DACT3: variants seen among roughly 807,000 people sequenced by gnomAD.
DACT3 encodes dapper homolog 3.
A neutral mutation model predicts 19.6 loss-of-function variants in DACT3; 5 were observed. The ratio of observed to expected loss-of-function variants is 0.26; its 90% CI spans 0.13 to 0.54. DACT3 has a LOEUF of 0.54. Ranked by LOEUF, DACT3 falls within the 20% of genes least tolerant of loss-of-function variation. The pLI is 0.95. For synonymous variants in DACT3, 454 were observed against 428.1 expected (o/e 1.06, Z -0.75); for missense variants, 908 against 927.4 (o/e 0.98, Z 0.27).
rs2053072821 is a variant in DACT3 at position 46,661,108 on chromosome 19, C to A, written c.-44G>T. The A allele has an allele frequency of 7.3e-6, 10 of 1,372,566 alleles. No homozygotes were observed. Among genetic ancestry groups the A allele is most frequent in the Non-Finnish European group, 8.4e-6 (9 of 1,070,712 alleles). 85.0% of individuals were successfully genotyped at this position (1,372,566 alleles called of 1,614,324 possible). ...CAGCCCGGCCGGGCCCCGCGGCCACCCCTCTCCCGGTCCCACCTCCCCGCC... is the reference window on the plus strand; with the variant it reads ...CAGCCCGGCCGGGCCCCGCGGCCACACCTCTCCCGGTCCCACCTCCCCGCC... On this transcript the variant is annotated 5_prime_UTR_variant, in exon 1 of 4. Transcript: ENST00000391916.
chr19:46,654,620 G>A, intron 1 of DACT3: 4 of 985,460 alleles, frequency 4.1e-6, no homozygotes, highest in Non-Finnish European at 4.8e-6. Flanking sequence ...AAAAGAGAGG[G>A]TCAGAGCCAG....
At chr19:46,655,788 G>A (rs534876898) in intron 1 of DACT3, among the ~76,000 whole-genome samples, 1 of 151,958 alleles carries the variant, frequency 6.6e-6, no homozygotes, top group African/African-American at 2.4e-5. Context: ...AATATTTAAT[G>A]GGCTGGGTGT....
intron 1 of DACT3, chr19:46,654,759 G>A: frequency 4.1e-6 from 4 of 985,406 alleles, no homozygotes; most frequent in Non-Finnish European, 4.8e-6. Flanking sequence ...GGGTTTGGGA[G>A]GGCAGGCACC....
Position 46,649,273 on chromosome 19 carries a change from T to G in DACT3, c.1099A>C (p.Thr367Pro). 1 of 1,205,676 alleles carries G rather than the reference T, an allele frequency of 8.3e-7. No individual in the cohort carries two copies. The highest frequency in any genetic ancestry group is 3.2e-5 in the South Asian group (1 of 31,214). The allele number at this position is 1,205,676 out of a possible 1,614,324, so 74.7% of individuals were successfully genotyped here. A position where few individuals can be genotyped will look rare whatever the true frequency, so the allele number is the denominator to read the frequency against. ...GCGGCGCGGCCAGGGAGGCCTCGGG[T>G]GGCCGCCTGCGCGCCCGGGATGTAC... ...AQYIPGAQAA[T>P]RGLPGRAARR... Residue 367 changes from threonine (T) to proline (P), a missense_variant, in exon 4 of 4, where the codon ACC becomes CCC. This residue lies in a region of DACT3 where 656 missense variants were observed against 601.8 expected (regional missense o/e 1.09). Transcript: ENST00000391916.
chr19:46,653,703 G>T (rs150336152), intron 1 of DACT3, among the ~76,000 whole-genome samples: 3 of 151,892 alleles, frequency 2.0e-5, no homozygotes, highest in Non-Finnish European at 2.9e-5. Context: ...ACAGGCGCCC[G>T]CCACCACGCC....
Position 46,650,048 on chromosome 19 carries a change from T to C in DACT3, c.500-176A>G, listed in dbSNP as rs552760351. 1.0e-3 allele frequency: 676 copies of C among 674,930 alleles called. 3 individuals carry two copies. Among genetic ancestry groups the C allele is most frequent in the Admixed American group, 1.5e-3 (32 of 21,762 alleles). 41.8% of individuals were successfully genotyped at this position (674,930 alleles called of 1,614,324 possible). A position where few individuals can be genotyped will look rare whatever the true frequency, so the allele number is the denominator to read the frequency against. On this transcript the variant is annotated intron_variant, in intron 3 of 3. Coordinates refer to ENST00000391916, the MANE Select transcript of DACT3 (RefSeq NM_145056.3). ...CTTGTAAAATTCATAATAAAATCTT[T>C]ACAGGGTCCTACAAGACCCTGCGTG...
intron 3 of DACT3, chr19:46,652,363 T>G (rs1172940191): frequency 2.3e-6 from 1 of 434,750 alleles, no homozygotes; most frequent in Non-Finnish European, 4.1e-6. Context: ...CCAACTAATT[T>G]TTGTATAGAC....
Position 46,653,072 on chromosome 19 carries a change from C to A in DACT3, c.253G>T (p.Ala85Ser). The A allele has an allele frequency of 1.3e-6, 2 of 1,551,194 alleles. No homozygotes were observed. The highest frequency in any genetic ancestry group is 1.7e-6 in the Non-Finnish European group (2 of 1,146,994). The change falls in exon 2 of 4, where the codon GCC becomes TCC. Residue 85 changes from alanine to serine, a missense_variant. By Grantham distance (99) the Ala-to-Ser change is moderately conservative (BLOSUM62 1). This residue lies in a region of DACT3 where 252 missense variants were observed against 325.6 expected (regional missense o/e 0.77). Coordinates refer to ENST00000391916, the MANE Select transcript of DACT3 (RefSeq NM_145056.3). ...AGGTCCCAGACGAGACCAGGCAGGG[C>A]CTCCTGAAGGCATAGGGAGAGAAGG... ...AAAALEEQLE[A>S]LPGLVWDLGQ...
rs1242335369 is a variant in DACT3 at position 46,649,837 on chromosome 19, C to T, written c.535G>A (p.Ala179Thr). 3 of 1,420,726 alleles carry T rather than the reference C, an allele frequency of 2.1e-6. No homozygotes were observed. The highest frequency in any genetic ancestry group is 3.1e-5 in the Admixed American group (1 of 31,952). 88.0% of individuals were successfully genotyped at this position (1,420,726 alleles called of 1,614,324 possible). ...ASPSAPEVVGARAAVPRSFSA... is the reference protein window; with the variant it reads ...ASPSAPEVVGTRAAVPRSFSA... ...AAGGACCGCGGCACCGCTGCCCGCGCGCCCACCACCTCCGGAGCGCTGGGA... is the reference window on the plus strand; with the variant it reads ...AAGGACCGCGGCACCGCTGCCCGCGTGCCCACCACCTCCGGAGCGCTGGGA... The change falls in exon 4 of 4, where the codon GCG becomes ACG. Residue 179 changes from alanine (A) to threonine (T), a missense_variant. Transcript: ENST00000391916.
chr19:46,656,416 C>T (rs1007859107), intron 1 of DACT3, among the ~76,000 whole-genome samples: 6 of 152,040 alleles, frequency 3.9e-5, no homozygotes, highest in Admixed American at 6.6e-5. Flanking sequence ...GGCACGATCA[C>T]GGCTCACTGC....
intron 1 of DACT3, among the ~76,000 whole-genome samples, chr19:46,655,901 G>C (rs908403214): frequency 2.3e-5 from 3 of 131,852 alleles, no homozygotes; most frequent in Non-Finnish European, 4.7e-5. Context: ...GTGAGACCCA[G>C]TCTCTCTCTC....
At chr19:46,655,925 C>CTCTCTCTCTA (rs980735397) in intron 1 of DACT3, among the ~76,000 whole-genome samples, 57 of 137,928 alleles carry the variant, frequency 4.1e-4, no homozygotes, top group African/African-American at 1.3e-3. Flanking sequence ...CTCTCTCTCT[C>CTCTCTCTCTA]TATATATATA....
intron 3 of DACT3, chr19:46,650,083 G>T: frequency 2.8e-6 from 1 of 362,488 alleles, no homozygotes; most frequent in Non-Finnish European, 4.7e-6. Flanking sequence ...GACTTGTCCT[G>T]CCTCTGCCTC....
intron 3 of DACT3, 187 bp downstream of exon 3, chr19:46,652,473 C>A: frequency 1.4e-6 from 1 of 701,508 alleles, no homozygotes; most frequent in Non-Finnish European, 2.3e-6. Flanking sequence ...GCCACCGCAC[C>A]CAGCCATATT....
chr19:46,654,102 T>A (rs1189408354), intron 1 of DACT3: 4 of 985,228 alleles, frequency 4.1e-6, no homozygotes, highest in Non-Finnish European at 4.8e-6. Flanking sequence ...GCACGTTCCT[T>A]TGCCCTAGAG....
At position 46,652,665 on chromosome 19, in the gene DACT3, G is replaced by C. The variant is rs944582856; in HGVS notation, c.494C>G (p.Ser165Cys). The change falls in exon 3 of 4, where the codon TCC (serine) becomes TGC (cysteine). Residue 165 changes from serine to cysteine, a missense_variant. By Grantham distance (112) the Ser-to-Cys change is moderately radical. Transcript: ENST00000391916. ...CCCACCCTCACCCACCTTACCTAGG[G>C]ACTTGGGCCTCTCACTGGCATAGAT... is the stretch of plus-strand genomic sequence containing the variant. ...RGIYASERPK[S>C]LGDASPSAPE... 1 of 1,550,884 alleles carries C rather than the reference G, an allele frequency of 6.4e-7. No individual in the cohort carries two copies. Among genetic ancestry groups the C allele is most frequent in the African/African-American group, 1.4e-5 (1 of 73,004 alleles).
intron 1 of DACT3, chr19:46,659,517 C>A (rs1396396161): frequency 7.1e-6 from 7 of 981,512 alleles, no homozygotes; most frequent in Non-Finnish European, 8.5e-6. Flanking sequence ...CCCCACAATC[C>A]GTCTCTAACT....
rs1427793270 is a variant in DACT3, at chr19:46,652,481, A to G, written c.499+179T>C. 2.9e-5 allele frequency: 21 copies of G among 735,566 alleles called. No individual in the cohort carries two copies. The East Asian group carries it at 5.8e-4, about 20-fold the overall frequency. The allele number at this position is 735,566 out of a possible 1,614,324, so 45.6% of individuals were successfully genotyped here. A position where few individuals can be genotyped will look rare whatever the true frequency, so the allele number is the denominator to read the frequency against. On this transcript the variant is annotated intron_variant, in intron 3 of 3. Transcript: ENST00000391916. ...GGCGTGAGCCACCGCACCCAGCCATATTTCATTTTAACAGATGGAAAAACA... is the reference window on the plus strand; with the variant it reads ...GGCGTGAGCCACCGCACCCAGCCATGTTTCATTTTAACAGATGGAAAAACA...
intron 3 of DACT3, chr19:46,650,530 G>A (rs1353078149): frequency 6.6e-6 from 1 of 151,276 alleles, no homozygotes; most frequent in African/African-American, 2.4e-5. Flanking sequence ...GGATCCTCTC[G>A]CCTTATCTTC....
Sources: gnomAD v4.1 joint callset for allele counts (sites outside exome capture counted in the v4.1 genomes callset) on GRCh38, gnomAD v4.1.1 for gene constraint, gnomAD v4.1.1 regional missense constraint, MANE v1.5 for transcripts, NCBI Gene and HGNC (gene_info 2026-07-23, HGNC 2026-07-21) for gene names.